Variants in CCDC7 observed in about 807,000 individuals in gnomAD.
CCDC7 encodes coiled-coil domain-containing protein 7.
CCDC7 carries 183 observed loss-of-function variants against 196.9 expected under a neutral mutation model. That is an observed-to-expected ratio of 0.93 (90% CI 0.82 to 1.05). CCDC7 has a LOEUF of 1.05. Ranked by LOEUF, CCDC7 falls within the 50% of genes least tolerant of loss-of-function variation. The pLI, the probability that CCDC7 is intolerant of heterozygous loss-of-function variation, is 0.00. For synonymous variants in CCDC7, 525 were observed against 484.6 expected (o/e 1.08, Z -1.10); for missense variants, 1,540 against 1,482.2 (o/e 1.04, Z -0.64).
chr10:32,586,951 A>G (rs2059344228), intron 18 of CCDC7, among the ~76,000 whole-genome samples: 1 of 152,196 alleles, frequency 6.6e-6, no homozygotes, highest in Non-Finnish European at 1.5e-5. Flanking sequence ...TTGACCTGTG[A>G]TGATCCATTG....
At chr10:32,736,999 C>G (rs746004912) in intron 28 of CCDC7, among the ~76,000 whole-genome samples, 2 of 151,954 alleles carry the variant, frequency 1.3e-5, no homozygotes, top group African/African-American at 4.8e-5. Context: ...TTGTTTTTTG[C>G]AGATATTCTT....
At chr10:32,489,816 C>T (rs373262523) in intron 8 of CCDC7, among the ~76,000 whole-genome samples, 10 of 152,072 alleles carry the variant, frequency 6.6e-5, no homozygotes, top group African/African-American at 1.7e-4. Flanking sequence ...CGTGATCCAA[C>T]GTTCAAGCCA....
chr10:32,833,345 C>CTTT, intron 32 of CCDC7, among the ~76,000 whole-genome samples: 1 of 33,440 alleles, frequency 3.0e-5, no homozygotes, highest in African/African-American at 4.8e-5. Context: ...GATATATTAC[C>CTTT]CTTTTTTTAA....
At chr10:32,673,783 A>C (rs559120871) in intron 21 of CCDC7, among the ~76,000 whole-genome samples, 47 of 151,914 alleles carry the variant, frequency 3.1e-4, no homozygotes, top group African/African-American at 1.1e-3. Flanking sequence ...AATCAGTCTT[A>C]TTATTTACTA....
At position 32,666,008 on chromosome 10, in the gene CCDC7, G is replaced by C. The variant is rs147043216; in HGVS notation, c.2122+1847G>C. On this transcript the variant is annotated intron_variant, in intron 21 of 41. Transcript: ENST00000639629. ...TTCTTTTTCAGACAGTTCATTGTTAGAGTATAGGAACACTACTAATGTTTG... is the reference window on the plus strand; with the variant it reads ...TTCTTTTTCAGACAGTTCATTGTTACAGTATAGGAACACTACTAATGTTTG... Among the ~76,000 whole-genome samples the C allele has an allele frequency of 8.6e-4, 131 of 151,856 alleles. 1 individual carries two copies. The highest frequency in any genetic ancestry group is 2.9e-3 in the African/African-American group (119 of 41,448).
At chr10:32,646,117 G>A (rs1351137716) in intron 20 of CCDC7, among the ~76,000 whole-genome samples, 10 of 146,390 alleles carry the variant, frequency 6.8e-5, no homozygotes, top group Admixed American at 5.4e-4. Context: ...GTAATGTTAG[G>A]TTGTTTATTT....
intron 18 of CCDC7, among the ~76,000 whole-genome samples, chr10:32,590,518 C>T (rs1427537194): frequency 3.9e-5 from 6 of 152,038 alleles, no homozygotes; most frequent in Non-Finnish European, 5.9e-5. Flanking sequence ...GAGTATTTTA[C>T]ACATCACAAT....
intron 28 of CCDC7, among the ~76,000 whole-genome samples, chr10:32,744,098 T>C (rs1441684085): frequency 6.7e-6 from 1 of 150,266 alleles, no homozygotes; most frequent in African/African-American, 2.5e-5. Flanking sequence ...GTAACAAACC[T>C]GCACATTGTG....
intron 8 of CCDC7, among the ~76,000 whole-genome samples, chr10:32,474,552 G>A (rs907772166): frequency 4.0e-5 from 6 of 151,890 alleles, no homozygotes; most frequent in Admixed American, 3.9e-4. Flanking sequence ...TAATTTTTGA[G>A]GAGTGCATGT....
chr10:32,583,486 CTAAG>C (rs1261703264), intron 17 of CCDC7, among the ~76,000 whole-genome samples, 179 bp downstream of exon 18: 1 of 151,926 alleles, frequency 6.6e-6, no homozygotes, highest in African/African-American at 2.4e-5. Flanking sequence ...ATTTGGGAAT[CTAAG>C]TAATATTCTT....
chr10:32,881,872 G>T (rs1055914360), downstream of CCDC7, among the ~76,000 whole-genome samples: 12 of 152,126 alleles, frequency 7.9e-5, no homozygotes, highest in African/African-American at 2.9e-4. Flanking sequence ...TCTTCTCATA[G>T]TTAAGTCTAT....
chr10:32,576,572 A>G (rs1264778218), intron 16 of CCDC7, among the ~76,000 whole-genome samples: 2 of 134,592 alleles, frequency 1.5e-5, no homozygotes, highest in Admixed American at 7.8e-5. Context: ...TTTTTTTGAG[A>G]TAGGGTATCA....
intron 16 of CCDC7, among the ~76,000 whole-genome samples, chr10:32,580,736 CATAA>C (rs1179855494): frequency 6.6e-6 from 1 of 151,538 alleles, no homozygotes; most frequent in Non-Finnish European, 1.5e-5. Flanking sequence ...TTCAGTGTAA[CATAA>C]ATACCTGTGA....
At chr10:32,813,767 T>C (rs187043893) in intron 30 of CCDC7, among the ~76,000 whole-genome samples, 20 of 152,322 alleles carry the variant, frequency 1.3e-4, no homozygotes, top group African/African-American at 4.3e-4. Flanking sequence ...GTTAAGAAAT[T>C]GTGCAGCATC....
intron 29 of CCDC7, among the ~76,000 whole-genome samples, chr10:32,783,899 T>C (rs2081412601): frequency 6.6e-6 from 1 of 152,120 alleles, no homozygotes; most frequent in African/African-American, 2.4e-5. Context: ...ATACAAAAGA[T>C]AAATATTGTA....
At chr10:32,844,984 T>C (rs2093196139) in intron 33 of CCDC7, among the ~76,000 whole-genome samples, 1 of 151,728 alleles carries the variant, frequency 6.6e-6, no homozygotes, top group Non-Finnish European at 1.5e-5. Flanking sequence ...TTGGAAGAGG[T>C]ATAATAAAGG....
intron 13 of CCDC7, among the ~76,000 whole-genome samples, chr10:32,560,851 G>T (rs2055426974): frequency 6.6e-6 from 1 of 152,080 alleles, no homozygotes; most frequent in African/African-American, 2.4e-5. Flanking sequence ...TGGGCTAAAT[G>T]CTCCAATTAA....
Position 32,824,573 on chromosome 10 carries a change from TA to T in CCDC7, c.3239del (p.Lys1080ArgfsTer4), listed in dbSNP as rs760388262. The T allele has an allele frequency of 3.1e-6, 5 of 1,611,960 alleles. No homozygotes were observed. The highest frequency in any genetic ancestry group is 1.1e-5 in the South Asian group (1 of 90,910). Reference sequence around the variant, plus strand: ...AGAGAGGTACAATAAATGATGCAATTAAGACGCAGTTAAAGAGAAAGAGTTA... The same window carrying T: ...AGAGAGGTACAATAAATGATGCAATTAGACGCAGTTAAAGAGAAAGAGTTA... On this transcript the variant is annotated frameshift_variant, in exon 32 of 42. Coordinates refer to ENST00000639629, the Ensembl canonical transcript of CCDC7. LOFTEE classifies it high-confidence loss of function.
intron 18 of CCDC7, among the ~76,000 whole-genome samples, chr10:32,625,411 C>A (rs2063910388): frequency 6.6e-6 from 1 of 151,042 alleles, no homozygotes; most frequent in African/African-American, 2.4e-5. Flanking sequence ...TGTTTATATA[C>A]CATTACAATA....
Sources: allele counts gnomAD v4.1 joint callset (sites outside exome capture counted in the v4.1 genomes callset), GRCh38; gene constraint gnomAD v4.1.1; transcripts MANE v1.5; gene names NCBI Gene and HGNC (gene_info 2026-07-23, HGNC 2026-07-21).